LRRFIP2: variants seen among roughly 807,000 people sequenced by gnomAD.
The protein encoded by LRRFIP2 is LRR binding FLII interacting protein 2.
In LRRFIP2, 109 loss-of-function variants were observed where a neutral mutation model predicts 125.9. The observed-to-expected ratio is 0.87, with a 90% CI of 0.74 to 1.01. The LOEUF (loss-of-function observed/expected upper bound fraction) is 1.01, where lower values mean the gene tolerates loss of function less well. Among genes scored for constraint, LRRFIP2 ranks in the 50% least tolerant of loss-of-function variants. The probability of loss-of-function intolerance (pLI) is 0.00; values close to 1 mark genes in which losing one functional copy is unlikely to be tolerated. For missense variants in LRRFIP2, 850 were observed against 862.3 expected (o/e 0.99, Z 0.18); for synonymous variants, 291 against 293.1 (o/e 0.99, Z 0.07).
intron 1 of LRRFIP2, among the ~76,000 whole-genome samples, chr3:37,164,492 C>G (rs1360352767): frequency 1.3e-5 from 2 of 152,060 alleles, no homozygotes; most frequent in African/African-American, 4.8e-5. Flanking sequence ...CTGAAGTGGG[C>G]AGATCACCTG....
At chr3:37,107,373 T>C (rs966728641) in intron 13 of LRRFIP2, among the ~76,000 whole-genome samples, 3 of 152,146 alleles carry the variant, frequency 2.0e-5, no homozygotes, top group Non-Finnish European at 4.4e-5. Context: ...AATTTATAGG[T>C]GCTGATACAG....
rs1008285457 is a variant in LRRFIP2 at position 37,151,838 on chromosome 3, C to T, written c.-55-2800G>A. The stretch of plus-strand genomic sequence containing the variant: ...GTCTTGAACTCCTGACCTCAGGAGG[C>T]GGGTGATCTGCCTGCCTCGGCCTCC... On this transcript the variant is annotated intron_variant, in intron 1 of 27. Coordinates refer to ENST00000336686, the MANE Select transcript of LRRFIP2 (RefSeq NM_006309.4). Among the ~76,000 whole-genome samples, 3 of 152,194 alleles carry T rather than the reference C, an allele frequency of 2.0e-5. No individual in the cohort carries two copies. In the East Asian group the frequency reaches 5.8e-4, roughly 29 times the overall value.
chr3:37,059,007 T>A, intron 24 of LRRFIP2, 97 bp from the exon 25 acceptor site: 2 of 1,476,180 alleles, frequency 1.4e-6, no homozygotes, highest in Non-Finnish European at 9.3e-7. Context: ...CAGACCCTTA[T>A]CGTATCAGCC....
chr3:37,142,669 T>A (rs2095742238), intron 2 of LRRFIP2, among the ~76,000 whole-genome samples: 1 of 152,182 alleles, frequency 6.6e-6, no homozygotes, highest in South Asian at 2.1e-4. Flanking sequence ...GGCATTTGTA[T>A]CCAATCACAA....
chr3:37,139,941 T>C (rs2095650860), intron 2 of LRRFIP2, among the ~76,000 whole-genome samples: 1 of 152,206 alleles, frequency 6.6e-6, no homozygotes, highest in Non-Finnish European at 1.5e-5. Context: ...CTTATTGAAA[T>C]TGTTCATCAC....
intron 1 of LRRFIP2, among the ~76,000 whole-genome samples, chr3:37,155,421 T>C (rs560396394): frequency 1.3e-5 from 2 of 152,360 alleles, no homozygotes; most frequent in South Asian, 2.1e-4. Context: ...TCTGCTATAG[T>C]ATAGAACAAT....
At chr3:37,159,197 G>C (rs1451176547) in intron 1 of LRRFIP2, among the ~76,000 whole-genome samples, 1 of 152,002 alleles carries the variant, frequency 6.6e-6, no homozygotes, top group African/African-American at 2.4e-5. Context: ...TCACACTTTT[G>C]CACATGGATA....
chr3:37,125,579 T>C (rs191604012), intron 4 of LRRFIP2, among the ~76,000 whole-genome samples: 69 of 152,348 alleles, frequency 4.5e-4, no homozygotes, highest in Middle Eastern at 3.4e-3. Context: ...TACTGTCTTA[T>C]AATGTGAAAT....
At chr3:37,063,623 C>A in intron 24 of LRRFIP2, 119 bp downstream of exon 24, 1 of 762,984 alleles carries the variant, frequency 1.3e-6, no homozygotes, top group Non-Finnish European at 2.3e-6. Flanking sequence ...TCCTTCATAT[C>A]TCACTTGAGT....
At chr3:37,118,365 G>A (rs551633051) in intron 6 of LRRFIP2, among the ~76,000 whole-genome samples, 9 of 152,240 alleles carry the variant, frequency 5.9e-5, no homozygotes, top group African/African-American at 2.2e-4. Flanking sequence ...GCCTGGCCAA[G>A]ATCACTTCAT....
chr3:37,096,849 AG>A (rs1387202178), intron 15 of LRRFIP2, among the ~76,000 whole-genome samples, 189 bp from the exon 16 acceptor site: 1 of 152,130 alleles, frequency 6.6e-6, no homozygotes, highest in Non-Finnish European at 1.5e-5. Context: ...TTTTATCCTA[AG>A]GGAGACACTG....
intron 2 of LRRFIP2, among the ~76,000 whole-genome samples, chr3:37,139,595 C>T (rs1317914005): frequency 6.6e-6 from 1 of 152,148 alleles, no homozygotes; most frequent in Admixed American, 6.5e-5. Flanking sequence ...TGTGGTTCTA[C>T]TGAAGAGCTG....
At chr3:37,112,603 T>C (rs756279084) in intron 8 of LRRFIP2, among the ~76,000 whole-genome samples, 5 of 152,160 alleles carry the variant, frequency 3.3e-5, no homozygotes, top group Non-Finnish European at 7.4e-5. Context: ...CTAAATCAAT[T>C]CAAATTCCTA....
chr3:37,089,829 A>G (rs1169195722), intron 18 of LRRFIP2, among the ~76,000 whole-genome samples: 1 of 152,232 alleles, frequency 6.6e-6, no homozygotes, highest in Non-Finnish European at 1.5e-5. Context: ...GATAATTTCA[A>G]AAGTCGTATC....
At chr3:37,063,673 T>A (rs2089390761) in intron 24 of LRRFIP2, 69 bp downstream of exon 24, 9 of 1,125,750 alleles carry the variant, frequency 8.0e-6, no homozygotes, top group Middle Eastern at 3.9e-4. Context: ...AATGAACATT[T>A]CAATTAGCCA....
chr3:37,167,901 G>A (rs918921535), intron 1 of LRRFIP2, among the ~76,000 whole-genome samples: 6 of 152,128 alleles, frequency 3.9e-5, no homozygotes, highest in African/African-American at 7.2e-5. Context: ...ACTTAAGCCC[G>A]GGAGGTCAAG....
chr3:37,098,055 A>G lies in LRRFIP2; in HGVS notation c.874-1395T>C, dbSNP rs144251581. On this transcript the variant is annotated intron_variant, in intron 15 of 27. Transcript: ENST00000336686. ...GAACACTTCACCCTAACTTCCACATATCTGAAAGTTTTTAGTGTTCTTTTT... is the reference window on the plus strand; with the variant it reads ...GAACACTTCACCCTAACTTCCACATGTCTGAAAGTTTTTAGTGTTCTTTTT... 6.0e-4 allele frequency among the ~76,000 whole-genome samples: 92 copies of G among 152,074 alleles called. 1 individual carries two copies. The East Asian group carries it at 0.014, about 23-fold the overall frequency.
At chr3:37,140,690 T>C (rs2095673769) in intron 2 of LRRFIP2, among the ~76,000 whole-genome samples, 1 of 151,272 alleles carries the variant, frequency 6.6e-6, no homozygotes, top group African/African-American at 2.4e-5. Context: ...CCACTAGAAC[T>C]CAGACTTAAT....
upstream of LRRFIP2, among the ~76,000 whole-genome samples, chr3:37,175,450 TC>T (rs1224508234): frequency 6.6e-6 from 1 of 152,198 alleles, no homozygotes; most frequent in Non-Finnish European, 1.5e-5. Flanking sequence ...TGAACTTTTT[TC>T]CCTCTAAGAA....
Sources: allele counts gnomAD v4.1 joint callset (sites outside exome capture counted in the v4.1 genomes callset), GRCh38; gene constraint gnomAD v4.1.1; transcripts MANE v1.5; gene names NCBI Gene and HGNC (gene_info 2026-07-23, HGNC 2026-07-21).